STXBP5L: variants seen among roughly 807,000 people sequenced by gnomAD.
The protein encoded by STXBP5L is syntaxin binding protein 5L.
STXBP5L carries 65 observed loss-of-function variants against 144.5 expected under a neutral mutation model. That is an observed-to-expected ratio of 0.45 (90% CI 0.37 to 0.55). The LOEUF (loss-of-function observed/expected upper bound fraction) is 0.55. Among genes scored for constraint, STXBP5L ranks in the 20% least tolerant of loss-of-function variants. The probability of loss-of-function intolerance (pLI) is 0.00; values close to 1 mark genes in which losing one functional copy is unlikely to be tolerated. For missense variants in STXBP5L, 1,298 were observed against 1,405.5 expected, an observed-to-expected ratio of 0.92 and a Z score of 1.22; for synonymous variants, 505 against 469.6, an observed-to-expected ratio of 1.08 and a Z score of -0.97.
intron 3 of STXBP5L, among the ~76,000 whole-genome samples, chr3:120,993,557 G>A (rs1301704360): frequency 6.6e-6 from 1 of 151,928 alleles, no homozygotes; most frequent in Non-Finnish European, 1.5e-5. Context: ...CCTGTTTATT[G>A]AGGAGACTGT....
chr3:121,200,148 C>T (rs1476311043), intron 9 of STXBP5L, among the ~76,000 whole-genome samples: 1 of 152,118 alleles, frequency 6.6e-6, no homozygotes, highest in Non-Finnish European at 1.5e-5. Flanking sequence ...TAATTACTGC[C>T]TCAATTTCAG....
At chr3:121,347,575 T>G (rs942970194) in intron 20 of STXBP5L, among the ~76,000 whole-genome samples, 4 of 152,230 alleles carry the variant, frequency 2.6e-5, no homozygotes, top group African/African-American at 9.6e-5. Flanking sequence ...CGATATTGAT[T>G]CTTCCTACCC....
At chr3:120,985,641 AGTGT>A (rs1387125536) in intron 3 of STXBP5L, among the ~76,000 whole-genome samples, 1 of 151,874 alleles carries the variant, frequency 6.6e-6, no homozygotes, top group Admixed American at 6.6e-5. Flanking sequence ...CTCTGTGGTT[AGTGT>A]TGGTAGATTT....
At chr3:120,968,763 A>C (rs1041043685) in intron 3 of STXBP5L, among the ~76,000 whole-genome samples, 5 of 152,072 alleles carry the variant, frequency 3.3e-5, no homozygotes, top group African/African-American at 1.2e-4. Flanking sequence ...ATGCCTTTGC[A>C]TCCTCATAGC....
At chr3:120,967,395 C>CT (rs1413500095) in intron 3 of STXBP5L, among the ~76,000 whole-genome samples, 3 of 152,144 alleles carry the variant, frequency 2.0e-5, no homozygotes, top group African/African-American at 7.2e-5. Context: ...ACACTGGGAG[C>CT]TGCAGACTGG....
intron 3 of STXBP5L, among the ~76,000 whole-genome samples, chr3:121,028,196 A>G (rs1031083737): frequency 1.3e-5 from 2 of 152,090 alleles, no homozygotes; most frequent in Non-Finnish European, 2.9e-5. Flanking sequence ...ATCACTGACT[A>G]CATTTTCATT....
At chr3:121,303,884 G>A (rs187847949) in intron 19 of STXBP5L, among the ~76,000 whole-genome samples, 1 of 152,166 alleles carries the variant, frequency 6.6e-6, no homozygotes, top group Non-Finnish European at 1.5e-5. Context: ...GTTGTGGGGT[G>A]GGGGGAGTGG....
At chr3:120,935,467 T>C (rs1710214561) in intron 2 of STXBP5L, among the ~76,000 whole-genome samples, 1 of 152,060 alleles carries the variant, frequency 6.6e-6, no homozygotes, top group African/African-American at 2.4e-5. Flanking sequence ...TAACAGTCTT[T>C]CTTTCTTTGT....
At position 121,085,379 on chromosome 3, in the gene STXBP5L, C is replaced by T. The variant is rs2042439486; in HGVS notation, c.471-29546C>T. 2.6e-5 allele frequency among the ~76,000 whole-genome samples: 4 copies of T among 152,118 alleles called. No individual in the cohort carries two copies. In the South Asian group the frequency reaches 8.3e-4, roughly 32 times the overall value. ...ACAAATAGAAAGAGAGGAAGTCAAC[C>T]TGTCTCTGTTTGAAGATAACATGAT... On this transcript the variant is annotated intron_variant, in intron 5 of 26. Transcript: ENST00000471454.
At position 121,206,009 on chromosome 3, in the gene STXBP5L, T is replaced by C. The variant is rs2048321475; in HGVS notation, c.956+8T>C. The stretch of plus-strand genomic sequence containing the variant: ...CAAGACCTGCAAAAACAGGTATGCA[T>C]TTTTACTTTAGGGAAAGAGGGATAC... On this transcript the variant is annotated splice_region_variant and intron_variant, in intron 10 of 26. Transcript: ENST00000471454. 4.1e-6 allele frequency: 6 copies of C among 1,479,462 alleles called. No individual in the cohort carries two copies. The highest frequency in any genetic ancestry group is 1.8e-4 in the Middle Eastern group (1 of 5,638). 91.6% of individuals were successfully genotyped at this position (1,479,462 alleles called of 1,614,324 possible).
chr3:121,064,367 C>T (rs2041439942), intron 5 of STXBP5L, among the ~76,000 whole-genome samples: 1 of 152,218 alleles, frequency 6.6e-6, no homozygotes, highest in South Asian at 2.1e-4. Flanking sequence ...AAATGACTCA[C>T]CTTCTGTGTT....
At chr3:120,973,517 A>G (rs1284659643) in intron 3 of STXBP5L, among the ~76,000 whole-genome samples, 3 of 151,810 alleles carry the variant, frequency 2.0e-5, no homozygotes, top group South Asian at 4.2e-4. Context: ...ATATTTTCAG[A>G]ATACTAACTT....
chr3:121,361,720 G>A (rs185059679), intron 20 of STXBP5L, among the ~76,000 whole-genome samples: 4 of 149,096 alleles, frequency 2.7e-5, no homozygotes, highest in Admixed American at 6.7e-5. Context: ...TTTTTTTTTA[G>A]TTTCCTCAAC....
In STXBP5L at chr3:121,383,261, A is replaced by G. The variant is rs536911536; in HGVS notation, c.2587+1729A>G. On this transcript the variant is annotated intron_variant, in intron 22 of 26. Coordinates refer to ENST00000471454, the MANE Select transcript of STXBP5L (RefSeq NM_001308330.2). ...AGACCAGTCTGGGCAGCATAATGAG[A>G]CCCCATCTCTACAAATAATTTTTAA... Among the ~76,000 whole-genome samples the G allele has an allele frequency of 4.6e-4, 70 of 152,062 alleles. 1 individual carries two copies. The highest frequency in any genetic ancestry group is 2.4e-3 in the Admixed American group (36 of 15,252).
chr3:120,953,614 A>G (rs1937689262), intron 2 of STXBP5L, among the ~76,000 whole-genome samples: 1 of 151,760 alleles, frequency 6.6e-6, no homozygotes, highest in Non-Finnish European at 1.5e-5. Context: ...CTGATATTAC[A>G]GACATGGGCC....
intron 9 of STXBP5L, among the ~76,000 whole-genome samples, chr3:121,195,909 T>A (rs553328599): frequency 6.6e-6 from 1 of 152,342 alleles, no homozygotes; most frequent in East Asian, 1.9e-4. Flanking sequence ...TTGTTTTCTT[T>A]GCTCTGCAAA....
At chr3:121,246,343 A>T (rs1197119294) in intron 14 of STXBP5L, among the ~76,000 whole-genome samples, 4 of 152,230 alleles carry the variant, frequency 2.6e-5, no homozygotes, top group Non-Finnish European at 4.4e-5. Flanking sequence ...TTTCCACGAA[A>T]CTAGTCCCTG....
intron 3 of STXBP5L, among the ~76,000 whole-genome samples, chr3:121,038,820 C>T (rs1359451895): frequency 1.3e-5 from 2 of 151,082 alleles, no homozygotes; most frequent in Admixed American, 6.6e-5. Flanking sequence ...ATAATTTAAC[C>T]CATTTATTAT....
chr3:121,023,208 C>A (rs923911105), intron 3 of STXBP5L, among the ~76,000 whole-genome samples: 21 of 151,620 alleles, frequency 1.4e-4, no homozygotes, highest in African/African-American at 4.6e-4. Context: ...AAGGCCTGTA[C>A]AAGGAAAACT....
Sources: allele counts gnomAD v4.1 joint callset (sites outside exome capture counted in the v4.1 genomes callset), GRCh38; gene constraint gnomAD v4.1.1; transcripts MANE v1.5; gene names NCBI Gene and HGNC (gene_info 2026-07-23, HGNC 2026-07-21).